CALCRL: variants seen among roughly 807,000 people sequenced by gnomAD.
CALCRL encodes the protein calcitonin receptor like receptor.
CALCRL carries 27 observed loss-of-function variants against 60.4 expected under a neutral mutation model. The ratio of observed to expected loss-of-function variants is 0.45; its 90% CI spans 0.33 to 0.62. The LOEUF (loss-of-function observed/expected upper bound fraction) is 0.62, where lower values mean the gene tolerates loss of function less well. CALCRL is among the 20% of genes least tolerant of loss of function. CALCRL has a pLI of 0.03. For missense variants in CALCRL, 424 were observed against 540.7 expected (o/e 0.78, Z 2.14); for synonymous variants, 190 against 182.6 (o/e 1.04, Z -0.33).
intron 10 of CALCRL, 35 bp from the exon 11 acceptor site, chr2:187,359,307 A>G (rs1686945411): frequency 7.0e-7 from 1 of 1,426,778 alleles, no homozygotes; most frequent in Non-Finnish European, 9.4e-7. Flanking sequence ...ATAAATAGGC[A>G]TTTTTTCTAC....
chr2:187,413,612 A>G (rs1689462238), intron 1 of CALCRL, among the ~76,000 whole-genome samples: 2 of 152,204 alleles, frequency 1.3e-5, no homozygotes, highest in African/African-American at 4.8e-5. Context: ...CAATTCTTAT[A>G]GAAAAACTCT....
Position 187,345,654 on chromosome 2 carries a change from A to T in CALCRL, c.*530T>A, listed in dbSNP as rs1459570198. The stretch of plus-strand genomic sequence containing the variant: ...TCACTTCTGGTATTGTCCATTTGAG[A>T]GGGTAGTTACAAAAAGGACTACGGC... On this transcript the variant is annotated 3_prime_UTR_variant, in exon 15 of 15. Coordinates refer to ENST00000392370, the MANE Select transcript of CALCRL (RefSeq NM_005795.6). 6.7e-6 allele frequency: 1 copy of T among 150,358 alleles called. No homozygotes were observed. The highest frequency in any genetic ancestry group is 2.4e-5 in the African/African-American group (1 of 41,084). 9.3% of individuals were successfully genotyped at this position (150,358 alleles called of 1,614,324 possible).
chr2:187,376,309 A>G (rs7592458), intron 8 of CALCRL, among the ~76,000 whole-genome samples: 5,867 of 152,122 alleles, frequency 0.039, 359 homozygotes, highest in African/African-American at 0.13. Flanking sequence ...TCTCAATTAT[A>G]GTAATTTGGA....
chr2:187,421,930 T>G (rs1028861428), intron 1 of CALCRL, among the ~76,000 whole-genome samples: 30 of 152,316 alleles, frequency 2.0e-4, no homozygotes, highest in Admixed American at 1.2e-3. Flanking sequence ...CTTGGCACAT[T>G]ATTTCAAGCA....
intron 1 of CALCRL, among the ~76,000 whole-genome samples, chr2:187,391,819 C>A (rs1271012358): frequency 6.6e-6 from 1 of 151,960 alleles, no homozygotes; most frequent in African/African-American, 2.4e-5. Flanking sequence ...ATAAAAATGT[C>A]TTAAAATCTG....
At chr2:187,373,374 T>C (rs6759535) in intron 8 of CALCRL, among the ~76,000 whole-genome samples, 80,532 of 152,004 alleles carry the variant, frequency 0.53, 22,082 homozygotes, top group East Asian at 0.78. Context: ...CGGTATCTTC[T>C]GGTCATAAAA....
intron 9 of CALCRL, among the ~76,000 whole-genome samples, chr2:187,362,926 T>C (rs1178732183): frequency 6.6e-6 from 1 of 152,152 alleles, no homozygotes; most frequent in Non-Finnish European, 1.5e-5. Context: ...TATTTAAATT[T>C]TCCATGTGCG....
chr2:187,430,762 A>G (rs996170394), intron 1 of CALCRL, among the ~76,000 whole-genome samples: 4 of 152,146 alleles, frequency 2.6e-5, no homozygotes, highest in East Asian at 1.9e-4. Flanking sequence ...AAAGTTTTAC[A>G]TCCATTCATA....
intron 1 of CALCRL, among the ~76,000 whole-genome samples, chr2:187,443,011 T>G (rs1016555156): frequency 2.6e-5 from 4 of 151,884 alleles, no homozygotes; most frequent in Non-Finnish European, 5.9e-5. Flanking sequence ...GTTTCACATG[T>G]AAAGAAACGC....
chr2:187,378,824 A>G (rs760793809), intron 8 of CALCRL, 116 bp downstream of exon 8: 21 of 578,704 alleles, frequency 3.6e-5, no homozygotes, highest in Non-Finnish European at 5.5e-5. Context: ...CTTATTTTAA[A>G]CATTATAAAT....
At chr2:187,370,654 C>T (rs1406165506) in intron 8 of CALCRL, among the ~76,000 whole-genome samples, 2 of 151,896 alleles carry the variant, frequency 1.3e-5, no homozygotes, top group African/African-American at 4.8e-5. Context: ...TTTATATTTC[C>T]ATACCTGGGA....
intron 1 of CALCRL, among the ~76,000 whole-genome samples, chr2:187,388,019 G>C (rs892975503): frequency 6.6e-6 from 1 of 151,916 alleles, no homozygotes; most frequent in Admixed American, 6.6e-5. Context: ...TTTTCTATGA[G>C]TAAATAATTT....
intron 12 of CALCRL, among the ~76,000 whole-genome samples, chr2:187,358,745 C>T (rs1686914177): frequency 6.6e-6 from 1 of 152,104 alleles, no homozygotes; most frequent in South Asian, 2.1e-4. Flanking sequence ...TTTCTCTACT[C>T]AAGATCAGAT....
intron 8 of CALCRL, among the ~76,000 whole-genome samples, chr2:187,364,894 A>G (rs897571676): frequency 3.9e-5 from 6 of 152,162 alleles, no homozygotes; most frequent in Admixed American, 3.3e-4. Flanking sequence ...GCCAACAAAT[A>G]AGTGAAATCC....
chr2:187,407,662 T>A (rs1689193331), intron 1 of CALCRL, among the ~76,000 whole-genome samples: 1 of 152,084 alleles, frequency 6.6e-6, no homozygotes, highest in South Asian at 2.1e-4. Flanking sequence ...GAATGAAAAG[T>A]CTTTGGGCAT....
intron 8 of CALCRL, among the ~76,000 whole-genome samples, chr2:187,367,815 T>G (rs1363445512): frequency 2.8e-4 from 42 of 152,214 alleles, no homozygotes; most frequent in Non-Finnish European, 4.4e-5. Flanking sequence ...CCAGATTGTT[T>G]GTATTTCATA....
At chr2:187,363,307 C>CAT in intron 9 of CALCRL, 69 bp downstream of exon 9, 3 of 1,433,462 alleles carry the variant, frequency 2.1e-6, no homozygotes, top group Non-Finnish European at 2.8e-6. Flanking sequence ...ACACATTATG[C>CAT]ATATATCAGC....
In CALCRL at chr2:187,342,614, A is replaced by G. The variant is rs1405737254; in HGVS notation, c.*3570T>C. Among the ~76,000 whole-genome samples, 1 of 151,678 alleles carries G rather than the reference A, an allele frequency of 6.6e-6. No individual in the cohort carries two copies. Among genetic ancestry groups the G allele is most frequent in the East Asian group, 1.9e-4 (1 of 5,192 alleles). ...CAAGGAGGAGAGATTATAAGAAAAA[A>G]ACACAAGTGTTTTAAATGGGCATTT... On this transcript the variant is annotated 3_prime_UTR_variant, in exon 15 of 15. Transcript: ENST00000392370.
intron 14 of CALCRL, among the ~76,000 whole-genome samples, chr2:187,348,723 C>A (rs780650188): frequency 7.9e-5 from 12 of 151,574 alleles, no homozygotes; most frequent in Admixed American, 6.6e-5. Context: ...GATCCACAGG[C>A]CTTGTAGACT....
Sources: gnomAD v4.1 joint callset for allele counts (sites outside exome capture counted in the v4.1 genomes callset) on GRCh38, gnomAD v4.1.1 for gene constraint, MANE v1.5 for transcripts, NCBI Gene and HGNC (gene_info 2026-07-23, HGNC 2026-07-21) for gene names.